The following MOB1B variants were observed in gnomAD, a reference collection of about 807,000 sequenced individuals.
The protein encoded by MOB1B is MOB kinase activator 1B.
A neutral mutation model predicts 24.4 loss-of-function variants in MOB1B; 19 were observed. The ratio of observed to expected loss-of-function variants is 0.78; its 90% CI spans 0.54 to 1.14. MOB1B has a LOEUF of 1.14. Among genes scored for constraint, MOB1B ranks in the 50% most tolerant of loss-of-function variants. MOB1B has a pLI of 0.00. For synonymous variants in MOB1B, 76 were observed against 82.1 expected, an observed-to-expected ratio of 0.93 and a Z score of 0.40; for missense variants, 243 against 259.6, an observed-to-expected ratio of 0.94 and a Z score of 0.44.
intron 3 of MOB1B, among the ~76,000 whole-genome samples, chr4:70,972,068 T>A (rs190425723): frequency 1.8e-3 from 280 of 152,046 alleles, no homozygotes; most frequent in African/African-American, 6.4e-3. Flanking sequence ...AAGATGTAGT[T>A]GTTGTCATAG....
Position 70,902,516 on chromosome 4 carries a change from G to T in MOB1B, c.-21G>T, listed in dbSNP as rs780479213. 6.1e-5 allele frequency: 96 copies of T among 1,562,120 alleles called. 4 individuals are homozygous for T. The South Asian group carries it at 1.1e-3, about 17-fold the overall frequency. ...CCGAGGCCTCGCGACCGCCGAGCCT[G>T]CAGCCTGCCCCGCGGCCAACATGAG... On this transcript the variant is annotated 5_prime_UTR_variant, in exon 1 of 6. Coordinates refer to ENST00000309395, the MANE Select transcript of MOB1B (RefSeq NM_173468.4).
intron 3 of MOB1B, among the ~76,000 whole-genome samples, chr4:70,974,364 GA>G (rs1738891989): frequency 6.6e-6 from 1 of 152,058 alleles, no homozygotes; most frequent in African/African-American, 2.4e-5. Context: ...TCGGCCTCCT[GA>G]AGTGCTAGGA....
intron 1 of MOB1B, among the ~76,000 whole-genome samples, chr4:70,915,767 G>A (rs1248815183): frequency 2.6e-5 from 4 of 151,308 alleles, no homozygotes; most frequent in Non-Finnish European, 5.9e-5. Context: ...GTTTCATGCT[G>A]GCTTGAGGCA....
intron 1 of MOB1B, among the ~76,000 whole-genome samples, chr4:70,946,698 A>G (rs1328462010): frequency 1.3e-5 from 2 of 152,190 alleles, no homozygotes; most frequent in Admixed American, 1.3e-4. Flanking sequence ...TTATTTTGCC[A>G]AGGTTGAGGA....
chr4:70,906,775 G>C (rs1735767430), intron 1 of MOB1B, among the ~76,000 whole-genome samples: 1 of 152,162 alleles, frequency 6.6e-6, no homozygotes, highest in South Asian at 2.1e-4. Flanking sequence ...TCTCATGGTA[G>C]ATACGGAAAC....
Position 70,987,585 on chromosome 4 carries a change from C to T in MOB1B, c.*5528C>T, listed in dbSNP as rs1449348072. 1 of 152,114 alleles carries T rather than the reference C, an allele frequency of 6.6e-6. No homozygotes were observed. Among genetic ancestry groups the T allele is most frequent in the Non-Finnish European group, 1.5e-5 (1 of 68,002 alleles). 9.4% of individuals were successfully genotyped at this position (152,114 alleles called of 1,614,324 possible). A position where few individuals can be genotyped will look rare whatever the true frequency, so the allele number is the denominator to read the frequency against. On this transcript the variant is annotated 3_prime_UTR_variant, in exon 6 of 6. Transcript: ENST00000309395. ...GCACTAATCTTGTAGGAAACACTTA[C>T]TTGATGTTTTATTTGAACTTTTCCT...
At chr4:70,923,476 T>A (rs1334038028) in intron 1 of MOB1B, among the ~76,000 whole-genome samples, 3 of 152,184 alleles carry the variant, frequency 2.0e-5, no homozygotes, top group Non-Finnish European at 4.4e-5. Flanking sequence ...GTGCTGGGAT[T>A]ATAGGCATGA....
rs1018331272 is a variant in MOB1B, at chr4:70,983,860, T to C, written c.*1803T>C. The C allele has an allele frequency of 1.3e-5, 2 of 152,592 alleles. No individual in the cohort carries two copies. Among genetic ancestry groups the C allele is most frequent in the African/African-American group, 2.4e-5 (1 of 41,460 alleles). The allele number at this position is 152,592 out of a possible 1,614,324, so 9.5% of individuals were successfully genotyped here. ...CTTGGACATTTATTGGTAAAGCTTA[T>C]TTATAAACTGCAGTCAGAGCTAGTT... On this transcript the variant is annotated 3_prime_UTR_variant, in exon 6 of 6. Coordinates refer to ENST00000309395, the MANE Select transcript of MOB1B (RefSeq NM_173468.4).
At chr4:70,930,071 A>C (rs2148878648) in intron 1 of MOB1B, among the ~76,000 whole-genome samples, 1 of 152,318 alleles carries the variant, frequency 6.6e-6, no homozygotes, top group East Asian at 1.9e-4. Flanking sequence ...AAGTTTTAAA[A>C]TTTAAAATTT....
intron 4 of MOB1B, chr4:70,976,424 A>C: frequency 1.0e-6 from 1 of 985,344 alleles, no homozygotes; most frequent in Non-Finnish European, 1.2e-6. Flanking sequence ...GTGAGAAGAA[A>C]ACAAGATTTG....
intron 1 of MOB1B, among the ~76,000 whole-genome samples, chr4:70,958,160 TTTTC>T (rs972379333): frequency 3.3e-5 from 5 of 151,692 alleles, no homozygotes; most frequent in South Asian, 4.2e-4. Flanking sequence ...GTAGCTTTTC[TTTTC>T]TTTCTTTTTT....
intron 1 of MOB1B, among the ~76,000 whole-genome samples, chr4:70,939,337 T>G (rs975568569): frequency 6.6e-6 from 1 of 152,174 alleles, no homozygotes; most frequent in Non-Finnish European, 1.5e-5. Flanking sequence ...AACAACTAAA[T>G]TTTGGAAATT....
At chr4:70,931,923 T>A (rs1033392442) in intron 1 of MOB1B, among the ~76,000 whole-genome samples, 1 of 151,878 alleles carries the variant, frequency 6.6e-6, no homozygotes. Context: ...TCAGACGTGG[T>A]CTTACTGTGT....
At chr4:70,914,117 C>T (rs1736105843) in intron 1 of MOB1B, among the ~76,000 whole-genome samples, 1 of 152,112 alleles carries the variant, frequency 6.6e-6, no homozygotes, top group African/African-American at 2.4e-5. Flanking sequence ...AGCCTCTTTG[C>T]CCTTCTACCA....
intron 1 of MOB1B, among the ~76,000 whole-genome samples, chr4:70,931,352 C>CTT (rs1736883130): frequency 6.6e-6 from 1 of 152,104 alleles, no homozygotes. Flanking sequence ...AGGACTTAGA[C>CTT]TTTAGGTGGT....
rs942862724 is a variant in MOB1B at position 70,984,910 on chromosome 4, G to A, written c.*2853G>A. 6.6e-6 allele frequency: 1 copy of A among 152,118 alleles called. No individual in the cohort carries two copies. The highest frequency in any genetic ancestry group is 2.4e-5 in the African/African-American group (1 of 41,420). The allele number at this position is 152,118 out of a possible 1,614,324, so 9.4% of individuals were successfully genotyped here. On this transcript the variant is annotated 3_prime_UTR_variant, in exon 6 of 6. Transcript: ENST00000309395. ...TTTGGAGGTTAATTTACCTTAAATT[G>A]GAAGACTTTTAATTGCAGTCTCTTT... is the stretch of plus-strand genomic sequence containing the variant.
At chr4:70,955,232 A>G (rs1271279313) in intron 1 of MOB1B, among the ~76,000 whole-genome samples, 2 of 152,172 alleles carry the variant, frequency 1.3e-5, no homozygotes, top group African/African-American at 2.4e-5. Context: ...GAGTGCAGAC[A>G]CAGCTGAGGT....
intron 3 of MOB1B, among the ~76,000 whole-genome samples, chr4:70,973,469 C>CAAAAAAA (rs528813623): frequency 6.1e-5 from 3 of 49,410 alleles, no homozygotes; most frequent in Non-Finnish European, 9.6e-5. Flanking sequence ...GACCCTGTCT[C>CAAAAAAA]AAAAAAAAAA....
At chr4:70,957,664 A>G (rs1262385526) in intron 1 of MOB1B, among the ~76,000 whole-genome samples, 1 of 151,714 alleles carries the variant, frequency 6.6e-6, no homozygotes, top group African/African-American at 2.4e-5. Flanking sequence ...GCTGGTCTCG[A>G]ACTCCTGGCC....
Sources: allele counts gnomAD v4.1 joint callset (sites outside exome capture counted in the v4.1 genomes callset), GRCh38; gene constraint gnomAD v4.1.1; transcripts MANE v1.5; gene names NCBI Gene and HGNC (gene_info 2026-07-23, HGNC 2026-07-21).